Variants in CDH11 observed in about 807,000 individuals in gnomAD.
CDH11 encodes cadherin-11.
A neutral mutation model predicts 67.8 loss-of-function variants in CDH11; 11 were observed. That is an observed-to-expected ratio of 0.16 (90% CI 0.10 to 0.27). CDH11 has a LOEUF of 0.27. CDH11 is among the 10% of genes least tolerant of loss of function. The pLI is 1.00. For missense variants in CDH11, 847 were observed against 1,031.2 expected, an observed-to-expected ratio of 0.82 and a Z score of 2.45; for synonymous variants, 419 against 400.0, an observed-to-expected ratio of 1.05 and a Z score of -0.57.
chr16:65,121,154 C>G lies in CDH11; in HGVS notation c.-298+726G>C, dbSNP rs1164125783. Among the ~76,000 whole-genome samples the G allele has an allele frequency of 6.6e-6, 1 of 152,170 alleles. No homozygotes were observed. Among genetic ancestry groups the G allele is most frequent in the Admixed American group, 6.5e-5 (1 of 15,284 alleles). On this transcript the variant is annotated intron_variant, in intron 1 of 12. Coordinates refer to ENST00000268603, the MANE Select transcript of CDH11 (RefSeq NM_001797.4). This position sits in a 1 kb window ranked among gnomAD's most constrained non-coding sequence, Gnocchi z 4.1. ...GCCAGAGGCGAGCCCGAGTCTGGGC[C>G]GCTCATGGACCTACTCCTGCGCTGG...
At chr16:65,021,636 T>TAA (rs71376754) in intron 2 of CDH11, among the ~76,000 whole-genome samples, 85 of 141,198 alleles carry the variant, frequency 6.0e-4, no homozygotes, top group Admixed American at 1.9e-3. Flanking sequence ...TAGAGCTCTT[T>TAA]AAAAAAAAAA....
chr16:65,076,935 G>A (rs552615519), intron 1 of CDH11, among the ~76,000 whole-genome samples: 2 of 151,994 alleles, frequency 1.3e-5, no homozygotes, highest in African/African-American at 4.8e-5. Flanking sequence ...TTTCTAATCC[G>A]AGACACCGAA....
intron 8 of CDH11, among the ~76,000 whole-genome samples, chr16:64,979,000 A>T (rs2072253678): frequency 6.6e-6 from 1 of 152,206 alleles, no homozygotes; most frequent in African/African-American, 2.4e-5. Context: ...TGAGAAAAAA[A>T]TGCAAATCAT....
intron 11 of CDH11, among the ~76,000 whole-genome samples, chr16:64,971,033 G>A (rs953812342): frequency 3.9e-5 from 6 of 152,212 alleles, no homozygotes; most frequent in Admixed American, 3.9e-4. Flanking sequence ...AGGGGAAGCA[G>A]AAATAGTATT....
intron 1 of CDH11, among the ~76,000 whole-genome samples, chr16:65,107,327 T>C (rs1323584608): frequency 6.6e-6 from 1 of 152,222 alleles, no homozygotes; most frequent in Non-Finnish European, 1.5e-5. Context: ...GTCCTGAAGA[T>C]TGACTGAGAT....
chr16:65,009,307 G>A (rs551988139), intron 2 of CDH11, among the ~76,000 whole-genome samples: 5 of 152,178 alleles, frequency 3.3e-5, no homozygotes, highest in African/African-American at 1.2e-4. Flanking sequence ...ATGAACAAGA[G>A]GTAATTACAT....
rs1390981276 is a variant in CDH11, at chr16:64,945,195, A to G, written c.*2408T>C. ...TTAAATTAAGACTTCTTTTAAGGCA[A>G]TGTGCTCCAAATGAAAAAGGACTCC... On this transcript the variant is annotated 3_prime_UTR_variant, in exon 13 of 13. Coordinates refer to ENST00000268603, the MANE Select transcript of CDH11 (RefSeq NM_001797.4). 1.5e-5 allele frequency: 3 copies of G among 206,484 alleles called. No individual in the cohort carries two copies. The highest frequency in any genetic ancestry group is 1.9e-4 in the South Asian group (1 of 5,338). 12.8% of individuals were successfully genotyped at this position (206,484 alleles called of 1,614,324 possible). A position where few individuals can be genotyped will look rare whatever the true frequency, so the allele number is the denominator to read the frequency against.
intron 4 of CDH11, among the ~76,000 whole-genome samples, chr16:64,997,238 T>C (rs536054545): frequency 6.6e-6 from 1 of 151,592 alleles, no homozygotes; most frequent in African/African-American, 2.4e-5. Flanking sequence ...AGACAGAGGT[T>C]GTAGTGAGCC....
chr16:64,971,914 AG>A lies in CDH11; in HGVS notation c.1524+16del. On this transcript the variant is annotated intron_variant, in intron 10 of 12. Transcript: ENST00000268603. Reference sequence around the variant, plus strand: ...AAGTGCATTGTTCCTAGCCAAGAATAGGGAAAGCAGGATTACCTGGTTGGAA... The same window carrying A: ...AAGTGCATTGTTCCTAGCCAAGAATAGGAAAGCAGGATTACCTGGTTGGAA... 6.2e-7 allele frequency: 1 copy of A among 1,613,468 alleles called. No homozygotes were observed. The highest frequency in any genetic ancestry group is 8.5e-7 in the Non-Finnish European group (1 of 1,179,522).
chr16:65,119,890 G>A (rs1482407090), intron 1 of CDH11, among the ~76,000 whole-genome samples: 1 of 152,148 alleles, frequency 6.6e-6, no homozygotes, highest in Non-Finnish European at 1.5e-5. Context: ...CTACTGAAAA[G>A]CACTCACATT....
At position 64,998,718 on chromosome 16, in the gene CDH11, G is replaced by T; in HGVS notation, c.367C>A (p.Gln123Lys). 6.2e-7 allele frequency: 1 copy of T among 1,614,122 alleles called. No individual in the cohort carries two copies. Among genetic ancestry groups the T allele is most frequent in the South Asian group, 1.1e-5 (1 of 91,070 alleles). ...ACCGCCTGAGCCATCAACGTGTACT[G>T]GGCTCTCTCTTCTCGATCCAACGTC... ...TKTLDREERAQYTLMAQAVDR... is the reference protein window; with the variant it reads ...TKTLDREERAKYTLMAQAVDR... The change falls in exon 4 of 13, where the codon CAG becomes AAG. Residue 123 changes from glutamine to lysine, a missense_variant. By Grantham distance (53) the Gln-to-Lys change is moderately conservative (BLOSUM62 1). This residue lies in a region of CDH11 where 235 missense variants were observed against 352.5 expected (regional missense o/e 0.67). Coordinates refer to ENST00000268603, the MANE Select transcript of CDH11 (RefSeq NM_001797.4).
rs3046001 is a variant in CDH11, at chr16:64,945,301, T to TAAAAAAAAA, written c.*2293_*2301dup. Reference sequence around the variant, plus strand: ...AGAGGCTTAACGAAAAAATAAAAGGTAAAAAAAAAAAAAAAAAAGAAAAAG... The same window carrying TAAAAAAAAA: ...AGAGGCTTAACGAAAAAATAAAAGGTAAAAAAAAAAAAAAAAAAAAAAAAAAAGAAAAAG... On this transcript the variant is annotated 3_prime_UTR_variant, in exon 13 of 13. Transcript: ENST00000268603. 1.1e-5 allele frequency: 4 copies of TAAAAAAAAA among 371,900 alleles called. No homozygotes were observed. Among genetic ancestry groups the TAAAAAAAAA allele is most frequent in the Admixed American group, 7.7e-5 (1 of 12,948 alleles). The allele number at this position is 371,900 out of a possible 1,614,324, so 23.0% of individuals were successfully genotyped here.
rs146633753 is a variant in CDH11, at chr16:65,029,997, C to A, written c.-173+23807G>T. 4.5e-3 allele frequency among the ~76,000 whole-genome samples: 691 copies of A among 152,200 alleles called. 2 individuals are homozygous for A. Among genetic ancestry groups the A allele is most frequent in the Non-Finnish European group, 7.4e-3 (506 of 68,000 alleles). On this transcript the variant is annotated intron_variant, in intron 2 of 12. Coordinates refer to ENST00000268603, the MANE Select transcript of CDH11 (RefSeq NM_001797.4). ...AGCAATGCTAAGATGGGACAGATTT[C>A]CAGAAATAATCATCACAAATTTTCA...
intron 12 of CDH11, chr16:64,948,519 G>A: frequency 9.3e-7 from 1 of 1,078,600 alleles, no homozygotes; most frequent in Non-Finnish European, 1.4e-6. Flanking sequence ...GAGCCCTTAG[G>A]GCCTACCATC....
chr16:65,056,099 T>C (rs546905611), intron 1 of CDH11, among the ~76,000 whole-genome samples: 8 of 152,354 alleles, frequency 5.3e-5, no homozygotes, highest in East Asian at 1.9e-4. Flanking sequence ...TGTGATATTT[T>C]GTTATAGCAG....
chr16:64,987,778 A>G (rs2142479343), intron 7 of CDH11: 1 of 163,798 alleles, frequency 6.1e-6, no homozygotes, highest in Non-Finnish European at 1.3e-5. Flanking sequence ...AGAGTTCTGA[A>G]CAGCTTATCT....
intron 1 of CDH11, among the ~76,000 whole-genome samples, chr16:65,077,738 G>T (rs532659501): frequency 1.3e-5 from 2 of 152,198 alleles, no homozygotes; most frequent in Non-Finnish European, 2.9e-5. Context: ...GGACTCAGAA[G>T]TATCAAGTTT....
chr16:65,109,733 C>T (rs1468706331), intron 1 of CDH11, among the ~76,000 whole-genome samples: 1 of 152,178 alleles, frequency 6.6e-6, no homozygotes, highest in Non-Finnish European at 1.5e-5. Flanking sequence ...AGACCATTTT[C>T]CATCCACATG....
At chr16:65,020,265 G>A (rs2073395828) in intron 2 of CDH11, among the ~76,000 whole-genome samples, 1 of 152,204 alleles carries the variant, frequency 6.6e-6, no homozygotes, top group Non-Finnish European at 1.5e-5. Flanking sequence ...AGTAAACATA[G>A]TATCTGACTT....
Sources: allele counts gnomAD v4.1 joint callset (sites outside exome capture counted in the v4.1 genomes callset), GRCh38; gene constraint gnomAD v4.1.1; regional missense constraint gnomAD v4.1.1; non-coding constraint Gnocchi (gnomAD v3.1); transcripts MANE v1.5; gene names NCBI Gene and HGNC (gene_info 2026-07-23, HGNC 2026-07-21).